The following NMNAT2 variants were observed in gnomAD, a reference collection of about 807,000 sequenced individuals.
The protein encoded by NMNAT2 is nicotinamide nucleotide adenylyltransferase 2, also known as nicotinamide/nicotinic acid mononucleotide adenylyltransferase 2.
Under a neutral mutation model 41.6 loss-of-function variants are expected in NMNAT2, and 11 were observed. That is an observed-to-expected ratio of 0.26 (90% CI 0.17 to 0.44). The LOEUF (loss-of-function observed/expected upper bound fraction) is 0.44, where lower values mean the gene tolerates loss of function less well. Among genes scored for constraint, NMNAT2 ranks in the 20% least tolerant of loss-of-function variants. NMNAT2 has a pLI of 1.00. For missense variants in NMNAT2, 288 were observed against 407.7 expected, an observed-to-expected ratio of 0.71 and a Z score of 2.53; for synonymous variants, 148 against 151.2, an observed-to-expected ratio of 0.98 and a Z score of 0.16.
intron 8 of NMNAT2, among the ~76,000 whole-genome samples, chr1:183,274,798 A>G (rs1429272800): frequency 6.6e-6 from 1 of 151,812 alleles, no homozygotes; most frequent in Non-Finnish European, 1.5e-5. Flanking sequence ...AAGACATTTC[A>G]TTAGATGTCC....
intron 1 of NMNAT2, among the ~76,000 whole-genome samples, chr1:183,381,144 GGT>G (rs1375930668): frequency 6.6e-6 from 1 of 152,070 alleles, no homozygotes; most frequent in African/African-American, 2.4e-5. Context: ...TGGTTGTGAG[GGT>G]GTGTGGGAGA....
At chr1:183,316,014 T>C (rs1662243121) in intron 1 of NMNAT2, among the ~76,000 whole-genome samples, 1 of 152,180 alleles carries the variant, frequency 6.6e-6, no homozygotes, top group Non-Finnish European at 1.5e-5. Context: ...TTCTCCTTAA[T>C]TACTAAAAAT....
At chr1:183,396,544 G>C (rs1487576001) in intron 1 of NMNAT2, among the ~76,000 whole-genome samples, 1 of 152,082 alleles carries the variant, frequency 6.6e-6, no homozygotes, top group African/African-American at 2.4e-5. Context: ...CCTCAAGTTA[G>C]CGTGTATATA....
At chr1:183,387,640 G>T (rs1328574274) in intron 1 of NMNAT2, among the ~76,000 whole-genome samples, 1 of 152,164 alleles carries the variant, frequency 6.6e-6, no homozygotes, top group East Asian at 1.9e-4. Flanking sequence ...CAACATTTCA[G>T]TGCTGGCCCC....
Position 183,409,889 on chromosome 1 carries a change from CA to C in NMNAT2, c.85+8293del, listed in dbSNP as rs1416529941. 1.0e-3 allele frequency among the ~76,000 whole-genome samples: 154 copies of C among 152,282 alleles called. 2 individuals carry two copies. Among genetic ancestry groups the C allele is most frequent in the Non-Finnish European group, 3.5e-4 (24 of 68,006 alleles). Reference sequence around the variant, plus strand: ...TAGATCCTAGGCAAGAACAACCTATCAGGGGGGTGAATTTTTTGCTTGTTTG... The same window carrying C: ...TAGATCCTAGGCAAGAACAACCTATCGGGGGGTGAATTTTTTGCTTGTTTG... On this transcript the variant is annotated intron_variant, in intron 1 of 10. Coordinates refer to ENST00000287713, the MANE Select transcript of NMNAT2 (RefSeq NM_015039.4).
chr1:183,361,735 T>C (rs1441963315), intron 1 of NMNAT2, among the ~76,000 whole-genome samples: 1 of 152,182 alleles, frequency 6.6e-6, no homozygotes, highest in Admixed American at 6.5e-5. Context: ...CCCACAGATT[T>C]TTGGCTGTTT....
intron 1 of NMNAT2, among the ~76,000 whole-genome samples, chr1:183,405,307 TGGGTAG>T (rs1188105614): frequency 2.0e-5 from 3 of 152,070 alleles, no homozygotes; most frequent in African/African-American, 7.2e-5. Flanking sequence ...GATTGGGAAG[TGGGTAG>T]GGGTATCAGC....
intron 1 of NMNAT2, among the ~76,000 whole-genome samples, chr1:183,392,362 A>G (rs865987427): frequency 6.6e-6 from 1 of 152,120 alleles, no homozygotes; most frequent in Non-Finnish European, 1.5e-5. Context: ...TATCACTTTT[A>G]CCCTCTACCT....
intron 1 of NMNAT2, among the ~76,000 whole-genome samples, chr1:183,411,558 C>A (rs1001980713): frequency 1.6e-4 from 24 of 152,112 alleles, no homozygotes; most frequent in African/African-American, 5.8e-4. Context: ...CTTGCTTCAG[C>A]CTCCCAAATT....
intron 1 of NMNAT2, among the ~76,000 whole-genome samples, chr1:183,367,503 T>C (rs1292674221): frequency 1.3e-5 from 2 of 152,142 alleles, no homozygotes; most frequent in Non-Finnish European, 2.9e-5. Context: ...AAGACACAGT[T>C]CTGCAAATAA....
At chr1:183,366,584 C>G (rs1228742945) in intron 1 of NMNAT2, among the ~76,000 whole-genome samples, 1 of 152,072 alleles carries the variant, frequency 6.6e-6, no homozygotes, top group Non-Finnish European at 1.5e-5. Flanking sequence ...CAGGAAATGT[C>G]TTTGAGACAT....
chr1:183,377,346 TA>T (rs1663702550), intron 1 of NMNAT2, among the ~76,000 whole-genome samples: 1 of 151,848 alleles, frequency 6.6e-6, no homozygotes, highest in African/African-American at 2.4e-5. Context: ...AAGCATCAAG[TA>T]AAAACATCAC....
At chr1:183,332,209 A>T (rs1411559622) in intron 1 of NMNAT2, among the ~76,000 whole-genome samples, 1 of 151,970 alleles carries the variant, frequency 6.6e-6, no homozygotes, top group Non-Finnish European at 1.5e-5. Context: ...GTTTATTTTT[A>T]ACATAAACAC....
intron 10 of NMNAT2, among the ~76,000 whole-genome samples, chr1:183,259,541 G>A (rs999287497): frequency 6.6e-6 from 1 of 152,254 alleles, no homozygotes; most frequent in Non-Finnish European, 1.5e-5. Flanking sequence ...TAAAATGTTT[G>A]CAATGTTCCC....
chr1:183,407,706 C>G (rs1416853603), intron 1 of NMNAT2, among the ~76,000 whole-genome samples: 1 of 152,176 alleles, frequency 6.6e-6, no homozygotes, highest in Non-Finnish European at 1.5e-5. Flanking sequence ...AAACCAAGTG[C>G]TATCAACGTT....
chr1:183,254,520 C>T (rs918098281), intron 10 of NMNAT2, among the ~76,000 whole-genome samples: 1 of 152,034 alleles, frequency 6.6e-6, no homozygotes, highest in Admixed American at 6.5e-5. Context: ...TCACTGGAGC[C>T]TCAAACTCCT....
At chr1:183,300,184 A>C (rs1002982798) in intron 1 of NMNAT2, among the ~76,000 whole-genome samples, 1 of 151,010 alleles carries the variant, frequency 6.6e-6, no homozygotes, top group African/African-American at 2.5e-5. Flanking sequence ...TGGGCGTATC[A>C]TGAGGTCAGG....
chr1:183,318,027 A>G (rs1016184855), intron 1 of NMNAT2, among the ~76,000 whole-genome samples: 3 of 152,230 alleles, frequency 2.0e-5, no homozygotes, highest in Non-Finnish European at 4.4e-5. Flanking sequence ...CTGAGTGTCT[A>G]TTATGTTCTG....
intron 1 of NMNAT2, among the ~76,000 whole-genome samples, chr1:183,379,189 T>A: frequency 6.6e-6 from 1 of 152,086 alleles, no homozygotes; most frequent in Non-Finnish European, 1.5e-5. Flanking sequence ...ACCTCATTAT[T>A]TATTTATTTA....
Sources: gnomAD v4.1 joint callset for allele counts (sites outside exome capture counted in the v4.1 genomes callset) on GRCh38, gnomAD v4.1.1 for gene constraint, MANE v1.5 for transcripts, NCBI Gene and HGNC (gene_info 2026-07-23, HGNC 2026-07-21) for gene names.